KCNQ5: variants seen among roughly 807,000 people sequenced by gnomAD.
KCNQ5 encodes potassium voltage-gated channel subfamily Q member 5, also known as potassium voltage-gated channel subfamily KQT member 5.
Under a neutral mutation model 98.2 loss-of-function variants are expected in KCNQ5, and 30 were observed. The observed-to-expected ratio is 0.31, with a 90% CI of 0.23 to 0.41. The LOEUF (loss-of-function observed/expected upper bound fraction) is 0.41. Among genes scored for constraint, KCNQ5 ranks in the 10% least tolerant of loss-of-function variants. The probability of loss-of-function intolerance (pLI) is 1.00; values close to 1 mark genes in which losing one functional copy is unlikely to be tolerated. For synonymous variants in KCNQ5, 458 were observed against 449.4 expected (o/e 1.02, Z -0.24); for missense variants, 835 against 1,182.5 (o/e 0.71, Z 4.31).
intron 1 of KCNQ5, among the ~76,000 whole-genome samples, chr6:72,906,547 G>T (rs570824468): frequency 3.0e-4 from 46 of 152,306 alleles, no homozygotes; most frequent in African/African-American, 1.1e-3. Flanking sequence ...CCTGCTTGGG[G>T]ACCCAGCAAG....
At chr6:72,665,160 C>T (rs1766738516) in intron 1 of KCNQ5, among the ~76,000 whole-genome samples, 1 of 151,852 alleles carries the variant, frequency 6.6e-6, no homozygotes, top group African/African-American at 2.4e-5. Context: ...CCAGCCTGGC[C>T]AACGTGGTGA....
chr6:72,680,893 G>A (rs1048226171), intron 1 of KCNQ5, among the ~76,000 whole-genome samples: 1 of 152,212 alleles, frequency 6.6e-6, no homozygotes, highest in African/African-American at 2.4e-5. Context: ...ATTTCAATTT[G>A]TAGGGAGTTT....
intron 10 of KCNQ5, among the ~76,000 whole-genome samples, chr6:73,164,587 T>A (rs1343432527): frequency 1.3e-5 from 2 of 152,204 alleles, no homozygotes; most frequent in Non-Finnish European, 1.5e-5. Flanking sequence ...AGGTAATGTC[T>A]TGTAATCATC....
intron 1 of KCNQ5, among the ~76,000 whole-genome samples, chr6:72,831,745 AT>A (rs1483004391): frequency 6.9e-6 from 1 of 144,936 alleles, no homozygotes; most frequent in East Asian, 2.0e-4. Flanking sequence ...AAAAAATAAA[AT>A]AAAATTAACA....
At chr6:73,161,759 G>GT (rs1296928675) in intron 10 of KCNQ5, among the ~76,000 whole-genome samples, 1 of 152,090 alleles carries the variant, frequency 6.6e-6, no homozygotes, top group East Asian at 1.9e-4. Flanking sequence ...TAGAAATATG[G>GT]TTTTTGGACA....
intron 11 of KCNQ5, among the ~76,000 whole-genome samples, chr6:73,182,290 A>G (rs946954643): frequency 6.6e-6 from 1 of 152,210 alleles, no homozygotes; most frequent in Non-Finnish European, 1.5e-5. Context: ...TGACTTGAGT[A>G]GTTTCAGCAA....
At chr6:72,688,419 A>G (rs1029508079) in intron 1 of KCNQ5, among the ~76,000 whole-genome samples, 4 of 152,108 alleles carry the variant, frequency 2.6e-5, no homozygotes, top group Admixed American at 2.6e-4. Flanking sequence ...CTTCTTGTTT[A>G]TGCTTTGGGA....
chr6:72,977,410 G>A (rs1768208700), intron 1 of KCNQ5, among the ~76,000 whole-genome samples: 1 of 152,192 alleles, frequency 6.6e-6, no homozygotes. Flanking sequence ...TGCCTAGAAG[G>A]TCTATCTGGA....
At chr6:72,715,380 G>GT (rs1381619395) in intron 1 of KCNQ5, among the ~76,000 whole-genome samples, 1 of 152,120 alleles carries the variant, frequency 6.6e-6, no homozygotes, top group East Asian at 1.9e-4. Context: ...GGGAATCTGG[G>GT]TTTTACCTTG....
At chr6:73,015,144 A>G (rs922629771) in intron 2 of KCNQ5, among the ~76,000 whole-genome samples, 2 of 152,146 alleles carry the variant, frequency 1.3e-5, no homozygotes, top group African/African-American at 4.8e-5. Flanking sequence ...TGAAGCAATC[A>G]GATGTGAGGA....
rs182056964 is a variant in KCNQ5, at chr6:73,035,813, G to A, written c.490-6123G>A. On this transcript the variant is annotated intron_variant, in intron 2 of 13. Transcript: ENST00000370398. ...AATTTAAATTGTTATTGAGATAATTGTAGATTCACATGCAGTTGTAAGATA... is the reference window on the plus strand; with the variant it reads ...AATTTAAATTGTTATTGAGATAATTATAGATTCACATGCAGTTGTAAGATA... 4.6e-5 allele frequency among the ~76,000 whole-genome samples: 7 copies of A among 152,230 alleles called. No homozygotes were observed. The East Asian group carries it at 9.7e-4, about 21-fold the overall frequency.
chr6:72,834,241 T>G (rs754174069), intron 1 of KCNQ5, among the ~76,000 whole-genome samples: 19 of 152,122 alleles, frequency 1.2e-4, no homozygotes, highest in Non-Finnish European at 2.6e-4. Context: ...AAAAAGACTT[T>G]CATTAAATTG....
intron 3 of KCNQ5, among the ~76,000 whole-genome samples, chr6:73,070,825 T>G (rs1475600332): frequency 6.6e-6 from 1 of 152,170 alleles, no homozygotes; most frequent in Non-Finnish European, 1.5e-5. Flanking sequence ...GGGCAACCAC[T>G]TCTCAGAGAT....
intron 1 of KCNQ5, among the ~76,000 whole-genome samples, chr6:72,763,699 A>G (rs1772406502): frequency 6.6e-6 from 1 of 152,028 alleles, no homozygotes; most frequent in Non-Finnish European, 1.5e-5. Flanking sequence ...TCTGAATTCC[A>G]TAATATTCTA....
rs1053203701 is a variant in KCNQ5, at chr6:73,158,503, G to A, written c.1469-11243G>A. Among the ~76,000 whole-genome samples, 3 of 151,892 alleles carry A rather than the reference G, an allele frequency of 2.0e-5. No homozygotes were observed. In the South Asian group the frequency reaches 6.2e-4, roughly 32 times the overall value. On this transcript the variant is annotated intron_variant, in intron 10 of 13. Transcript: ENST00000370398. ...GCTGGTCTCGAACTCCTGACCTCAG[G>A]GATCCGCGCGCCTCAGCCTCCCAAA...
chr6:72,936,932 G>A (rs1765948891), intron 1 of KCNQ5, among the ~76,000 whole-genome samples: 1 of 152,102 alleles, frequency 6.6e-6, no homozygotes, highest in Non-Finnish European at 1.5e-5. Context: ...GCTTGTCTCT[G>A]TAATTTTCTC....
chr6:72,811,860 C>T (rs754832456), intron 1 of KCNQ5, among the ~76,000 whole-genome samples: 13 of 152,132 alleles, frequency 8.5e-5, no homozygotes, highest in Non-Finnish European at 1.8e-4. Flanking sequence ...ATGGCTACTC[C>T]ATAGGCAGAG....
chr6:73,012,282 C>G (rs934539987), intron 2 of KCNQ5, among the ~76,000 whole-genome samples: 2 of 151,898 alleles, frequency 1.3e-5, no homozygotes. Context: ...AGTATTCACC[C>G]TTAAAAAGAA....
chr6:73,034,921 C>T (rs1312687715), intron 2 of KCNQ5, among the ~76,000 whole-genome samples: 1 of 147,582 alleles, frequency 6.8e-6, no homozygotes, highest in African/African-American at 2.5e-5. Context: ...TCTCGGCTCA[C>T]TGCAAGCTCC....
Sources: allele counts gnomAD v4.1 joint callset (sites outside exome capture counted in the v4.1 genomes callset), GRCh38; gene constraint gnomAD v4.1.1; transcripts MANE v1.5; gene names NCBI Gene and HGNC (gene_info 2026-07-23, HGNC 2026-07-21).